The following ZFHX3 variants were observed in gnomAD, a reference collection of about 807,000 sequenced individuals.
ZFHX3 encodes the protein zinc finger homeobox 3.
ZFHX3 carries 42 observed loss-of-function variants against 279.1 expected under a neutral mutation model. The observed-to-expected ratio is 0.15, with a 90% CI of 0.12 to 0.19. The LOEUF is 0.19. ZFHX3 is among the 10% of genes least tolerant of loss of function. The pLI is 1.00. For synonymous variants in ZFHX3, 2,293 were observed against 1,957.8 expected (o/e 1.17, Z -4.52); for missense variants, 4,981 against 4,754.0 (o/e 1.05, Z -1.40).
At chr16:73,363,086 T>C (rs970324713) in intron 3 of ZFHX3, among the ~76,000 whole-genome samples, 3 of 152,202 alleles carry the variant, frequency 2.0e-5, no homozygotes, top group Non-Finnish European at 2.9e-5. Context: ...CAAGTGACAT[T>C]GTGTGAGTCC....
chr16:73,154,703 T>A (rs1181517724), intron 5 of ZFHX3, among the ~76,000 whole-genome samples: 2 of 152,090 alleles, frequency 1.3e-5, no homozygotes, highest in African/African-American at 2.4e-5. Flanking sequence ...AAATATGTTC[T>A]GGGGAAAAAG....
At chr16:73,671,503 C>A (rs552935855) in intron 2 of ZFHX3, among the ~76,000 whole-genome samples, 38 of 152,148 alleles carry the variant, frequency 2.5e-4, no homozygotes, top group Non-Finnish European at 4.0e-4. Context: ...TTTTAGAAAA[C>A]CTTTAATTTA....
At chr16:73,477,579 C>T (rs1039290103) in intron 2 of ZFHX3, among the ~76,000 whole-genome samples, 1 of 152,212 alleles carries the variant, frequency 6.6e-6, no homozygotes, top group Admixed American at 6.5e-5. Context: ...CACACCTACC[C>T]TCTGGTTTCC....
chr16:73,413,023 T>G (rs1044193136), intron 3 of ZFHX3, among the ~76,000 whole-genome samples: 2 of 152,170 alleles, frequency 1.3e-5, no homozygotes, highest in Admixed American at 1.3e-4. Context: ...TATAGAAAGC[T>G]GCCTTGCAGG....
intron 1 of ZFHX3, among the ~76,000 whole-genome samples, chr16:73,843,534 A>T (rs1018886427): frequency 2.0e-5 from 3 of 152,236 alleles, no homozygotes; most frequent in Non-Finnish European, 4.4e-5. Flanking sequence ...TGGAAGTCTT[A>T]TGCAAACCAA....
chr16:72,901,436 G>A (rs1797988675), intron 3 of ZFHX3, among the ~76,000 whole-genome samples: 1 of 152,120 alleles, frequency 6.6e-6, no homozygotes, highest in African/African-American at 2.4e-5. Flanking sequence ...AGAAGACAGG[G>A]CAGCCGGCGC....
intron 3 of ZFHX3, among the ~76,000 whole-genome samples, chr16:73,454,574 CAA>C (rs11417738): frequency 1.5e-5 from 2 of 137,450 alleles, no homozygotes; most frequent in African/African-American, 2.7e-5. Flanking sequence ...CCAAATTTCT[CAA>C]AAAAAAAAAA....
Position 73,500,691 on chromosome 16 carries a change from C to CAA in ZFHX3, c.-1546-44435_-1546-44434dup, listed in dbSNP as rs35032435. On this transcript the variant is annotated intron_variant, in intron 2 of 17. Coordinates refer to the ZFHX3 transcript ENST00000641206. ...AAAAAAAAAAAAGAGTTTTAAAATA[C>CAA]AAAAAAAAAAAAAAAAAACCTCACA... Among the ~76,000 whole-genome samples the CAA allele has an allele frequency of 2.4e-3, 235 of 96,890 alleles. 3 individuals are homozygous for CAA. The highest frequency in any genetic ancestry group is 7.6e-3 in the African/African-American group (205 of 27,018). The allele number at this position is 96,890 out of a possible 152,430, so 63.6% of individuals were successfully genotyped here. A position where few individuals can be genotyped will look rare whatever the true frequency, so the allele number is the denominator to read the frequency against.
intron 1 of ZFHX3, among the ~76,000 whole-genome samples, chr16:73,682,030 C>T (rs1270742067): frequency 1.3e-5 from 2 of 152,164 alleles, no homozygotes; most frequent in South Asian, 2.1e-4. Context: ...ATGTCTGACG[C>T]ATAATGGATG....
chr16:73,585,865 C>T (rs887250771), intron 2 of ZFHX3, among the ~76,000 whole-genome samples: 9 of 150,494 alleles, frequency 6.0e-5, no homozygotes, highest in East Asian at 1.9e-4. Context: ...TTAACTTATA[C>T]GTAATTAACA....
chr16:72,947,878 T>C (rs1226601093), intron 3 of ZFHX3, among the ~76,000 whole-genome samples: 1 of 152,118 alleles, frequency 6.6e-6, no homozygotes, highest in Non-Finnish European at 1.5e-5. Flanking sequence ...TGGATTACAT[T>C]AGCAAGAGGA....
At chr16:72,822,336 T>G (rs911133309) in intron 5 of ZFHX3, among the ~76,000 whole-genome samples, 1 of 152,212 alleles carries the variant, frequency 6.6e-6, no homozygotes, top group Non-Finnish European at 1.5e-5. Flanking sequence ...TAATGTTACA[T>G]GTTCTTTGGC....
intron 1 of ZFHX3, among the ~76,000 whole-genome samples, chr16:73,806,365 C>T (rs1030208589): frequency 3.9e-5 from 6 of 152,168 alleles, no homozygotes; most frequent in African/African-American, 9.7e-5. Flanking sequence ...GCAGGGAAGC[C>T]GGTGTGACCA....
chr16:72,805,612 AG>A (rs2036241168), intron 7 of ZFHX3, among the ~76,000 whole-genome samples: 1 of 152,220 alleles, frequency 6.6e-6, no homozygotes, highest in Non-Finnish European at 1.5e-5. Flanking sequence ...AGCTGCTTTT[AG>A]GGCTGAGCAG....
At chr16:73,080,771 G>T (rs976862110) in intron 8 of ZFHX3, among the ~76,000 whole-genome samples, 7 of 152,024 alleles carry the variant, frequency 4.6e-5, no homozygotes, top group African/African-American at 1.7e-4. Context: ...TAGGGACAGG[G>T]TCTTGCTATG....
intron 1 of ZFHX3, chr16:73,808,547 T>C (rs1960345415): frequency 6.6e-6 from 1 of 152,204 alleles, no homozygotes; most frequent in Non-Finnish European, 1.5e-5. Flanking sequence ...GTCCAGTGTG[T>C]GGACAATGGC....
chr16:73,479,454 A>G (rs1371243622), intron 2 of ZFHX3, among the ~76,000 whole-genome samples: 1 of 152,156 alleles, frequency 6.6e-6, no homozygotes, highest in Non-Finnish European at 1.5e-5. Flanking sequence ...CTCAGCCTTG[A>G]CATCCAGCTA....
At chr16:73,856,089 A>G (rs562349880) in intron 1 of ZFHX3, among the ~76,000 whole-genome samples, 2 of 152,340 alleles carry the variant, frequency 1.3e-5, no homozygotes, top group African/African-American at 2.4e-5. Flanking sequence ...TTACATTTTA[A>G]AAGCAGTTTA....
intron 2 of ZFHX3, among the ~76,000 whole-genome samples, chr16:73,619,080 GA>G (rs1370374223): frequency 6.6e-6 from 1 of 152,110 alleles, no homozygotes; most frequent in African/African-American, 2.4e-5. Flanking sequence ...GGGAAGATAA[GA>G]AAAATTCAAT....
Sources: allele counts gnomAD v4.1 joint callset (sites outside exome capture counted in the v4.1 genomes callset), GRCh38; gene constraint gnomAD v4.1.1; transcripts MANE v1.5; gene names NCBI Gene and HGNC (gene_info 2026-07-23, HGNC 2026-07-21).